The following PABPC4 variants were observed in gnomAD, a reference collection of about 807,000 sequenced individuals.
PABPC4 encodes poly(A) binding protein cytoplasmic 4, also known as polyadenylate-binding protein 4.
In PABPC4, 15 loss-of-function variants were observed where a neutral mutation model predicts 74.5. The ratio of observed to expected loss-of-function variants is 0.20; its 90% CI spans 0.13 to 0.31. The LOEUF (loss-of-function observed/expected upper bound fraction) is 0.31. Ranked by LOEUF, PABPC4 falls within the 10% of genes least tolerant of loss-of-function variation. The probability of loss-of-function intolerance (pLI) is 1.00; values close to 1 mark genes in which losing one functional copy is unlikely to be tolerated. For synonymous variants in PABPC4, 345 were observed against 303.0 expected, an observed-to-expected ratio of 1.14 and a Z score of -1.44; for missense variants, 610 against 853.5, an observed-to-expected ratio of 0.71 and a Z score of 3.55.
Position 39,571,358 on chromosome 1 carries a change from G to A in PABPC4, c.388-9C>T, listed in dbSNP as rs1389140588. On this transcript the variant is annotated splice_polypyrimidine_tract_variant and intron_variant, in intron 2 of 15. Coordinates refer to ENST00000372858, the MANE Select transcript of PABPC4 (RefSeq NM_001135653.2). Reference sequence around the variant, plus strand: ...TTCTCATCACACACCACCTGTCAAAGACAAGGCGGACCACTTTAGCAGAAC... The same window carrying A: ...TTCTCATCACACACCACCTGTCAAAAACAAGGCGGACCACTTTAGCAGAAC... 1 of 1,614,018 alleles carries A rather than the reference G, an allele frequency of 6.2e-7. No homozygotes were observed. The highest frequency in any genetic ancestry group is 8.5e-7 in the Non-Finnish European group (1 of 1,179,972).
At chr1:39,574,127 CTCAT>C (rs1476897664) in intron 1 of PABPC4, among the ~76,000 whole-genome samples, 1 of 152,166 alleles carries the variant, frequency 6.6e-6, no homozygotes, top group Non-Finnish European at 1.5e-5. Context: ...TTTATTTTCA[CTCAT>C]TATTTCCAAC....
At chr1:39,562,725 A>G (rs1449051098) in intron 12 of PABPC4, 1 of 282,626 alleles carries the variant, frequency 3.5e-6, no homozygotes. Flanking sequence ...TAATACACCC[A>G]AAGTTACTCA....
In PABPC4 at chr1:39,565,207, A is replaced by G; in HGVS notation, c.1144T>C (p.Tyr382His). ...CTCATTCCAGCCACTCGTTGCATATACTGGTTGGTCAGGTGAGCCTTTCTC... is the reference window on the plus strand; with the variant it reads ...CTCATTCCAGCCACTCGTTGCATATGCTGGTTGGTCAGGTGAGCCTTTCTC... The part of the protein sequence containing the change: ...EERKAHLTNQ[Y>H]MQRVAGMRAL... Residue 382 changes from tyrosine (Y) to histidine (H), a missense_variant, in exon 8 of 16, where the codon TAT becomes CAT. Physicochemically the swap from Tyr to His is moderately conservative, Grantham distance 83 (BLOSUM62 2). This residue lies in a region of PABPC4 where 277 missense variants were observed against 301.8 expected (regional missense o/e 0.92). Coordinates refer to ENST00000372858, the MANE Select transcript of PABPC4 (RefSeq NM_001135653.2). 6.2e-7 allele frequency: 1 copy of G among 1,614,186 alleles called. No homozygotes were observed. Among genetic ancestry groups the G allele is most frequent in the Non-Finnish European group, 8.5e-7 (1 of 1,180,016 alleles).
chr1:39,561,965 G>C lies in PABPC4; in HGVS notation c.1893+108C>G, dbSNP rs1011066481. 8 of 1,324,720 alleles carry C rather than the reference G, an allele frequency of 6.0e-6. No homozygotes were observed. In the African/African-American group the frequency reaches 7.3e-5, roughly 12 times the overall value. The allele number at this position is 1,324,720 out of a possible 1,614,324, so 82.1% of individuals were successfully genotyped here. ...GTCACAGTCAAGGCATGACGAGAGG[G>C]GTCCTGGGGGCAGCAGATCCCACTT... On this transcript the variant is annotated intron_variant, in intron 14 of 15. Transcript: ENST00000372858.
chr1:39,565,784 C>T (rs528673732), intron 7 of PABPC4, among the ~76,000 whole-genome samples: 3 of 152,156 alleles, frequency 2.0e-5, no homozygotes, highest in South Asian at 2.1e-4. Context: ...GCCGAGATCG[C>T]GCCACTGCAC....
In PABPC4 at chr1:39,576,248, A is replaced by G. The variant is rs998359425; in HGVS notation, c.-297T>C. ...GCTCCAAATTTCAAAAAATCAAAGTAGGAAAAAAATTAAACGGGGAATCCC... is the reference window on the plus strand; with the variant it reads ...GCTCCAAATTTCAAAAAATCAAAGTGGGAAAAAAATTAAACGGGGAATCCC... On this transcript the variant is annotated 5_prime_UTR_variant, in exon 1 of 16. Transcript: ENST00000372858. 3.1e-6 allele frequency: 1 copy of G among 324,708 alleles called. No individual in the cohort carries two copies. Among genetic ancestry groups the G allele is most frequent in the African/African-American group, 2.1e-5 (1 of 46,844 alleles). The allele number at this position is 324,708 out of a possible 1,614,324, so 20.1% of individuals were successfully genotyped here.
At chr1:39,572,225 T>G (rs1221638637) in intron 2 of PABPC4, among the ~76,000 whole-genome samples, 168 bp downstream of exon 2, 1 of 152,220 alleles carries the variant, frequency 6.6e-6, no homozygotes, top group East Asian at 1.9e-4. Context: ...CTGGTTACGC[T>G]GGGTATGGCC....
In PABPC4 at chr1:39,561,141, AC is replaced by A. The variant is rs563927145; in HGVS notation, c.*14-20del. 3.0e-5 allele frequency: 14 copies of A among 470,808 alleles called. No individual in the cohort carries two copies. The highest frequency in any genetic ancestry group is 3.5e-5 in the Non-Finnish European group (8 of 227,004). 29.2% of individuals were successfully genotyped at this position (470,808 alleles called of 1,614,324 possible). A position where few individuals can be genotyped will look rare whatever the true frequency, so the allele number is the denominator to read the frequency against. ...TTGAATCCTGTAAAGAAAAGCACCAACACAAATAAATGCATAATCAAATAAT... is the reference window on the plus strand; with the variant it reads ...TTGAATCCTGTAAAGAAAAGCACCAAACAAATAAATGCATAATCAAATAAT... On this transcript the variant is annotated intron_variant, in intron 15 of 15. Transcript: ENST00000372858.
At chr1:39,571,115 G>A (rs1645933583) in intron 3 of PABPC4, 119 bp downstream of exon 3, 2 of 1,566,768 alleles carry the variant, frequency 1.3e-6, no homozygotes, top group East Asian at 2.3e-5. Flanking sequence ...GAGTGGAGAG[G>A]TAGGAGCAGG....
chr1:39,561,523 CATG>C (rs1175709771), intron 15 of PABPC4, 159 bp downstream of exon 15: 8 of 612,668 alleles, frequency 1.3e-5, no homozygotes, highest in African/African-American at 5.6e-5. Flanking sequence ...CCACAGTCCT[CATG>C]ATAAGAAGTC....
At position 39,564,465 on chromosome 1, in the gene PABPC4, C is replaced by T; in HGVS notation, c.1411G>A (p.Ala471Thr). 1 of 1,614,228 alleles carries T rather than the reference C, an allele frequency of 6.2e-7. No homozygotes were observed. The highest frequency in any genetic ancestry group is 8.5e-7 in the Non-Finnish European group (1 of 1,180,042). Reference sequence around the variant, plus strand: ...GTAGGGAGGCCACGAGAGGCCGGAGCATTACCAGTTGGAGCCAGATGGCGA... The same window carrying T: ...GTAGGGAGGCCACGAGAGGCCGGAGTATTACCAGTTGGAGCCAGATGGCGA... Reference protein sequence around the residue: ...TLRHLAPTGNAPASRGLPTTT... With the variant: ...TLRHLAPTGNTPASRGLPTTT... Residue 471 changes from alanine to threonine, a missense_variant, in exon 10 of 16, where the codon GCT (alanine) becomes ACT (threonine). Ala to Thr is a moderately conservative substitution (Grantham distance 58, BLOSUM62 0). Around this residue, in one of 4 missense-constraint regions of PABPC4, gnomAD observed 277 missense variants for 301.8 expected, o/e 0.92. Coordinates refer to ENST00000372858, the MANE Select transcript of PABPC4 (RefSeq NM_001135653.2).
At chr1:39,574,979 G>A (rs546280751) in intron 1 of PABPC4, among the ~76,000 whole-genome samples, 1 of 152,290 alleles carries the variant, frequency 6.6e-6, no homozygotes, top group South Asian at 2.1e-4. Flanking sequence ...CTTCTCAGGA[G>A]TCCCATTTTC....
intron 12 of PABPC4, chr1:39,563,341 C>A: frequency 2.5e-6 from 1 of 399,730 alleles, no homozygotes; most frequent in African/African-American, 2.0e-5. Flanking sequence ...GCTCAAACAG[C>A]TGAATGAGCA....
chr1:39,561,995 C>T, intron 14 of PABPC4, 78 bp downstream of exon 14: 1 of 1,528,700 alleles, frequency 6.5e-7, no homozygotes, highest in South Asian at 1.2e-5. Flanking sequence ...CCACTTTCTG[C>T]TGCACCTGGG....
rs754022843 is a variant in PABPC4, at chr1:39,563,745, A to C, written c.1541-4T>G. 6.2e-7 allele frequency: 1 copy of C among 1,614,058 alleles called. No homozygotes were observed. The highest frequency in any genetic ancestry group is 1.7e-5 in the Admixed American group (1 of 60,022). On this transcript the variant is annotated splice_region_variant and splice_polypyrimidine_tract_variant and intron_variant, in intron 11 of 15. Coordinates refer to ENST00000372858, the MANE Select transcript of PABPC4 (RefSeq NM_001135653.2). ...TTCTGCACAGCTGTGGGAACGCCTT[A>C]GGGAAAGAACAAATACAATTAAAGC... is the stretch of plus-strand genomic sequence containing the variant.
rs1475239287 is a variant in PABPC4, at chr1:39,564,832, T to TATCTCATCTCATCTCAC, written c.1246-76_1246-60dup. 19 of 1,316,628 alleles carry TATCTCATCTCATCTCAC rather than the reference T, an allele frequency of 1.4e-5. No individual in the cohort carries two copies. In the East Asian group the frequency reaches 2.5e-4, roughly 18 times the overall value. The allele number at this position is 1,316,628 out of a possible 1,614,324, so 81.6% of individuals were successfully genotyped here. A position where few individuals can be genotyped will look rare whatever the true frequency, so the allele number is the denominator to read the frequency against. On this transcript the variant is annotated intron_variant, in intron 8 of 15. Coordinates refer to ENST00000372858, the MANE Select transcript of PABPC4 (RefSeq NM_001135653.2). ...AAGGACTGAACCCATCCTAGAGAAG[T>TATCTCATCTCATCTCAC]ATCTCATCTCATCTCACTAACCAGG...
At chr1:39,565,040 C>A in intron 8 of PABPC4, 66 bp downstream of exon 8, 1 of 1,551,670 alleles carries the variant, frequency 6.4e-7, no homozygotes. Context: ...AATCCCTCTC[C>A]CCAACCACTG....
In PABPC4 at chr1:39,572,289, C is replaced by T. The variant is rs141169668; in HGVS notation, c.387+104G>A. 7.9e-4 allele frequency: 705 copies of T among 893,346 alleles called. 13 individuals are homozygous for T. The East Asian group carries it at 0.018, about 23-fold the overall frequency. 55.3% of individuals were successfully genotyped at this position (893,346 alleles called of 1,614,324 possible). On this transcript the variant is annotated intron_variant, in intron 2 of 15. Coordinates refer to ENST00000372858, the MANE Select transcript of PABPC4 (RefSeq NM_001135653.2). ...TTCCATGTCCAGCATTTTGAAAATT[C>T]CCATATCTTGTTCCCCAATTCCAAG...
Position 39,575,702 on chromosome 1 carries a change from G to A in PABPC4, c.193+57C>T, listed in dbSNP as rs545542283. On this transcript the variant is annotated intron_variant, in intron 1 of 15. Transcript: ENST00000372858. ...CCTCGGCAGGAGGGCCCTGCCAGAA[G>A]ACGACTCCCGGGGTCCTCCGGGCTC... 6.7e-5 allele frequency: 92 copies of A among 1,381,224 alleles called. No homozygotes were observed. The African/African-American group carries it at 9.8e-4, about 15-fold the overall frequency. The allele number at this position is 1,381,224 out of a possible 1,614,324, so 85.6% of individuals were successfully genotyped here.
Sources: gnomAD v4.1 joint callset for allele counts (sites outside exome capture counted in the v4.1 genomes callset) on GRCh38, gnomAD v4.1.1 for gene constraint, gnomAD v4.1.1 regional missense constraint, MANE v1.5 for transcripts, NCBI Gene and HGNC (gene_info 2026-07-23, HGNC 2026-07-21) for gene names.